The following HMCN1 variants were observed in gnomAD, a reference collection of about 807,000 sequenced individuals.
HMCN1 encodes the protein hemicentin-1.
Under a neutral mutation model 625.9 loss-of-function variants are expected in HMCN1, and 321 were observed. That is an observed-to-expected ratio of 0.51 (90% CI 0.47 to 0.56). The LOEUF is 0.56. Among genes scored for constraint, HMCN1 ranks in the 20% least tolerant of loss-of-function variants. The probability of loss-of-function intolerance (pLI) is 0.00; values close to 1 mark genes in which losing one functional copy is unlikely to be tolerated. For synonymous variants in HMCN1, 2,425 were observed against 2,417.6 expected, an observed-to-expected ratio of 1.00 and a Z score of -0.09; for missense variants, 6,588 against 6,887.3, an observed-to-expected ratio of 0.96 and a Z score of 1.54.
At chr1:185,765,338 G>A (rs1014892664) in intron 1 of HMCN1, among the ~76,000 whole-genome samples, 5 of 152,096 alleles carry the variant, frequency 3.3e-5, no homozygotes, top group Non-Finnish European at 5.9e-5. Flanking sequence ...AGAAGAAAGA[G>A]AGAGTTAAAG....
chr1:186,157,330 T>C (rs572703238), intron 97 of HMCN1, among the ~76,000 whole-genome samples: 2 of 152,224 alleles, frequency 1.3e-5, no homozygotes, highest in East Asian at 1.9e-4. Context: ...TGTAACATAA[T>C]TCAAAGTAAC....
chr1:185,739,503 G>A (rs1427002985), intron 1 of HMCN1, among the ~76,000 whole-genome samples: 1 of 152,172 alleles, frequency 6.6e-6, no homozygotes, highest in Non-Finnish European at 1.5e-5. Flanking sequence ...CCAGAGACAG[G>A]AGGAGAGGGA....
intron 1 of HMCN1, among the ~76,000 whole-genome samples, chr1:185,841,793 A>G (rs552135616): frequency 6.6e-6 from 1 of 152,266 alleles, no homozygotes; most frequent in South Asian, 2.1e-4. Flanking sequence ...TTGTCTATAT[A>G]ATTATGTCTA....
chr1:185,865,662 C>T, intron 3 of HMCN1, 79 bp from the exon 4 acceptor site: 1 of 1,213,890 alleles, frequency 8.2e-7, no homozygotes, highest in Non-Finnish European at 1.2e-6. Flanking sequence ...AGTAATGTAA[C>T]ACAATAGGTA....
At chr1:185,944,255 A>G (rs1668224684) in intron 11 of HMCN1, among the ~76,000 whole-genome samples, 1 of 152,190 alleles carries the variant, frequency 6.6e-6, no homozygotes, top group Non-Finnish European at 1.5e-5. Flanking sequence ...TATAAGTGCA[A>G]GCTAAGCTGT....
intron 6 of HMCN1, among the ~76,000 whole-genome samples, chr1:185,915,193 TTA>T (rs1262927470): frequency 6.6e-6 from 1 of 152,020 alleles, no homozygotes; most frequent in African/African-American, 2.4e-5. Context: ...GTAAAGCATG[TTA>T]AAAAGAAGTA....
At chr1:185,967,971 AAATGAGC>A (rs1336432038) in intron 14 of HMCN1, among the ~76,000 whole-genome samples, 3 of 152,180 alleles carry the variant, frequency 2.0e-5, no homozygotes, top group African/African-American at 7.2e-5. Context: ...TTATTTTTAG[AAATGAGC>A]AATACAAAAT....
chr1:186,085,024 T>C (rs536873547), intron 57 of HMCN1, among the ~76,000 whole-genome samples: 75 of 152,220 alleles, frequency 4.9e-4, no homozygotes, highest in Admixed American at 1.3e-3. Flanking sequence ...AAATTCCACA[T>C]CTGTACGCTA....
intron 97 of HMCN1, among the ~76,000 whole-genome samples, chr1:186,159,244 G>C (rs189329338): frequency 2.6e-5 from 4 of 151,708 alleles, no homozygotes; most frequent in African/African-American, 9.6e-5. Flanking sequence ...TTATTGGTGT[G>C]CTTGTGATTT....
Position 186,156,143 on chromosome 1 carries a change from A to G in HMCN1, c.15256+2156A>G, listed in dbSNP as rs560880256. 1.1e-4 allele frequency among the ~76,000 whole-genome samples: 17 copies of G among 152,258 alleles called. No individual in the cohort carries two copies. In the South Asian group the frequency reaches 3.1e-3, roughly 28 times the overall value. ...TTATTTTTAAAATTAATTATAAAGTATATATTTTACAAATGAATCAGAGTA... is the reference window on the plus strand; with the variant it reads ...TTATTTTTAAAATTAATTATAAAGTGTATATTTTACAAATGAATCAGAGTA... On this transcript the variant is annotated intron_variant, in intron 97 of 106. Coordinates refer to ENST00000271588, the MANE Select transcript of HMCN1 (RefSeq NM_031935.3).
intron 1 of HMCN1, among the ~76,000 whole-genome samples, chr1:185,749,232 A>G (rs1654629876): frequency 6.6e-6 from 1 of 152,248 alleles, no homozygotes; most frequent in Admixed American, 6.5e-5. Context: ...AGGACTTAGT[A>G]TAATTGTCAT....
At chr1:185,787,093 G>A (rs1299752019) in intron 1 of HMCN1, among the ~76,000 whole-genome samples, 1 of 151,878 alleles carries the variant, frequency 6.6e-6, no homozygotes, top group African/African-American at 2.4e-5. Context: ...GTGTGCATTT[G>A]TGTATGTCAG....
chr1:186,020,493 TGAAA>T (rs1314627220), intron 35 of HMCN1, among the ~76,000 whole-genome samples: 2 of 152,046 alleles, frequency 1.3e-5, no homozygotes, highest in Non-Finnish European at 2.9e-5. Context: ...TTTGTGCAAG[TGAAA>T]GATTCAGTTT....
intron 4 of HMCN1, among the ~76,000 whole-genome samples, chr1:185,873,069 C>A (rs1468796951): frequency 1.3e-5 from 2 of 152,068 alleles, no homozygotes; most frequent in African/African-American, 4.8e-5. Flanking sequence ...AGGGTAAACA[C>A]TAGCCAATAA....
chr1:186,181,103 A>ACAT, intron 104 of HMCN1, among the ~76,000 whole-genome samples: 2 of 152,252 alleles, frequency 1.3e-5, no homozygotes, highest in Admixed American at 1.3e-4. Flanking sequence ...TGCTTGGGAA[A>ACAT]GCTCTGTGCT....
intron 25 of HMCN1, among the ~76,000 whole-genome samples, chr1:185,999,348 T>C (rs932204403): frequency 6.6e-6 from 1 of 152,130 alleles, no homozygotes. Flanking sequence ...TTTACTTATT[T>C]CCAATATTCC....
chr1:186,178,704 C>G lies in HMCN1; in HGVS notation c.16232C>G (p.Thr5411Ser). 1 of 1,614,122 alleles carries G rather than the reference C, an allele frequency of 6.2e-7. No homozygotes were observed. The highest frequency in any genetic ancestry group is 8.5e-7 in the Non-Finnish European group (1 of 1,179,964). The change falls in exon 104 of 107, where the codon ACT becomes AGT. Residue 5411 changes from threonine (T) to serine (S), a missense_variant. Thr to Ser is a moderately conservative substitution (Grantham distance 58, BLOSUM62 1). Coordinates refer to ENST00000271588, the MANE Select transcript of HMCN1 (RefSeq NM_031935.3). The part of the protein sequence containing the change: ...YRNSRTSLSR[T>S]RRTIRKTCPE... ...AACAGCAGAACATCTCTCTCCAGGA[C>G]TAGAAGGACTATTAGGAAAACTTGC...
chr1:186,185,314 T>C (rs1403226419), intron 105 of HMCN1, among the ~76,000 whole-genome samples: 2 of 152,176 alleles, frequency 1.3e-5, no homozygotes, highest in African/African-American at 4.8e-5. Flanking sequence ...GAAGAGAAAT[T>C]TTTTTAATGC....
intron 1 of HMCN1, among the ~76,000 whole-genome samples, chr1:185,751,535 G>A (rs1434708026): frequency 6.6e-6 from 1 of 151,784 alleles, no homozygotes; most frequent in African/African-American, 2.4e-5. Flanking sequence ...CCCAACTCAA[G>A]GACTCAGATT....
Sources: gnomAD v4.1 joint callset for allele counts (sites outside exome capture counted in the v4.1 genomes callset) on GRCh38, gnomAD v4.1.1 for gene constraint, MANE v1.5 for transcripts, NCBI Gene and HGNC (gene_info 2026-07-23, HGNC 2026-07-21) for gene names.